Variants in UBAC2 observed in about 807,000 individuals in gnomAD.
The protein encoded by UBAC2 is UBA domain containing 2, also known as ubiquitin-associated domain-containing protein 2.
Under a neutral mutation model 44.0 loss-of-function variants are expected in UBAC2, and 26 were observed. That is an observed-to-expected ratio of 0.59 (90% CI 0.43 to 0.82). The LOEUF is 0.82. Ranked by LOEUF, UBAC2 falls within the 40% of genes least tolerant of loss-of-function variation. UBAC2 has a pLI of 0.00. For synonymous variants in UBAC2, 155 were observed against 154.3 expected, an observed-to-expected ratio of 1.00 and a Z score of -0.04; for missense variants, 329 against 419.4, an observed-to-expected ratio of 0.78 and a Z score of 1.88.
intron 4 of UBAC2, among the ~76,000 whole-genome samples, chr13:99,267,093 T>C (rs2043753938): frequency 6.6e-6 from 1 of 151,248 alleles, no homozygotes; most frequent in Non-Finnish European, 1.5e-5. Flanking sequence ...TGGTGTCTCA[T>C]TGTGGTTTCA....
At chr13:99,207,996 T>C (rs117880027) in intron 1 of UBAC2, among the ~76,000 whole-genome samples, 55,989 of 131,892 alleles carry the variant, frequency 0.42, 11,669 homozygotes, top group East Asian at 0.75. Context: ...ATCGTCTCTT[T>C]TTTTTTTTTT....
chr13:99,355,770 C>T (rs1206759643), intron 7 of UBAC2, among the ~76,000 whole-genome samples: 7 of 152,054 alleles, frequency 4.6e-5, no homozygotes, highest in Non-Finnish European at 8.8e-5. Flanking sequence ...GTGCCACAAG[C>T]CCCCCCGCAG....
intron 4 of UBAC2, among the ~76,000 whole-genome samples, chr13:99,303,792 A>G (rs1388425538): frequency 2.0e-5 from 3 of 152,208 alleles, no homozygotes; most frequent in East Asian, 1.9e-4. Context: ...GGAACATTAA[A>G]TATCATTATT....
chr13:99,258,370 T>G (rs1311908063), intron 4 of UBAC2: 1 of 152,272 alleles, frequency 6.6e-6, no homozygotes, highest in Non-Finnish European at 1.5e-5. Context: ...TGACTTTAAT[T>G]GCTGCTTTGT....
At chr13:99,232,031 A>T (rs1276274135) in intron 1 of UBAC2, among the ~76,000 whole-genome samples, 3 of 152,166 alleles carry the variant, frequency 2.0e-5, no homozygotes, top group Non-Finnish European at 4.4e-5. Context: ...AGGAACTGCC[A>T]GTGTGTGTAT....
At chr13:99,277,313 G>A (rs2043896648) in intron 4 of UBAC2, among the ~76,000 whole-genome samples, 1 of 152,050 alleles carries the variant, frequency 6.6e-6, no homozygotes, top group South Asian at 2.1e-4. Flanking sequence ...ATCACCTGAG[G>A]TCAGGAGTTC....
intron 4 of UBAC2, among the ~76,000 whole-genome samples, chr13:99,278,952 T>A (rs759264321): frequency 2.6e-5 from 4 of 152,190 alleles, no homozygotes; most frequent in Non-Finnish European, 5.9e-5. Context: ...AGAATTATAT[T>A]TCTGAGTATT....
At chr13:99,211,962 C>A (rs1306971320) in intron 1 of UBAC2, among the ~76,000 whole-genome samples, 2 of 152,176 alleles carry the variant, frequency 1.3e-5, no homozygotes, top group Non-Finnish European at 1.5e-5. Flanking sequence ...ACAAGTCTGC[C>A]TCTCCCCACA....
chr13:99,237,896 A>G (rs2043257319), intron 1 of UBAC2, among the ~76,000 whole-genome samples: 1 of 152,252 alleles, frequency 6.6e-6, no homozygotes, highest in Non-Finnish European at 1.5e-5. Flanking sequence ...TGGAGGTTGC[A>G]GTGAGCCGAG....
intron 1 of UBAC2, chr13:99,215,396 C>A (rs549514265): frequency 6.4e-6 from 8 of 1,252,174 alleles, no homozygotes; most frequent in Non-Finnish European, 9.4e-6. Context: ...GTTGTCCTTT[C>A]TTCCCAATCA....
intron 4 of UBAC2, among the ~76,000 whole-genome samples, chr13:99,277,222 C>G (rs925581407): frequency 6.6e-6 from 1 of 152,024 alleles, no homozygotes; most frequent in Admixed American, 6.6e-5. Flanking sequence ...TTCAAACTAC[C>G]ATCTTTAAAA....
At chr13:99,310,664 A>G (rs1044809496) in intron 4 of UBAC2, among the ~76,000 whole-genome samples, 5 of 152,242 alleles carry the variant, frequency 3.3e-5, no homozygotes, top group African/African-American at 1.2e-4. Flanking sequence ...ATTTAAAATT[A>G]TACAGTGATT....
At chr13:99,234,590 G>T (rs1388800412) in intron 1 of UBAC2, among the ~76,000 whole-genome samples, 3 of 152,210 alleles carry the variant, frequency 2.0e-5, no homozygotes, top group African/African-American at 7.2e-5. Context: ...GTCAGATACT[G>T]TGTCCAATGA....
At chr13:99,337,818 G>C (rs976595287) in intron 6 of UBAC2, among the ~76,000 whole-genome samples, 1 of 152,058 alleles carries the variant, frequency 6.6e-6, no homozygotes, top group Non-Finnish European at 1.5e-5. Context: ...CATGGAGCAT[G>C]AGGAGGAACT....
intron 4 of UBAC2, among the ~76,000 whole-genome samples, chr13:99,256,117 G>A (rs933568276): frequency 3.3e-5 from 5 of 152,082 alleles, no homozygotes; most frequent in African/African-American, 1.2e-4. Flanking sequence ...TAGCCCCACT[G>A]TCTATTGAGC....
At chr13:99,236,281 G>A (rs1472334744) in intron 1 of UBAC2, among the ~76,000 whole-genome samples, 1 of 152,226 alleles carries the variant, frequency 6.6e-6, no homozygotes, top group African/African-American at 2.4e-5. Flanking sequence ...CAGAATGGGA[G>A]AAAATACTTG....
At chr13:99,254,679 C>T in intron 4 of UBAC2, 1 of 513,986 alleles carries the variant, frequency 1.9e-6, no homozygotes, top group South Asian at 2.9e-5. Context: ...GTGAACAAGG[C>T]TTGACTAGGA....
intron 4 of UBAC2, among the ~76,000 whole-genome samples, chr13:99,285,542 G>T (rs1376556492): frequency 6.6e-6 from 1 of 152,034 alleles, no homozygotes; most frequent in African/African-American, 2.4e-5. Context: ...ACAGGCATGT[G>T]CCACCACGCC....
chr13:99,343,343 C>A (rs1042426504), intron 7 of UBAC2, among the ~76,000 whole-genome samples: 8 of 150,866 alleles, frequency 5.3e-5, no homozygotes, highest in African/African-American at 1.9e-4. Context: ...GTTCTCCTTT[C>A]CTGCCTTGCT....
Sources: allele counts gnomAD v4.1 joint callset (sites outside exome capture counted in the v4.1 genomes callset), GRCh38; gene constraint gnomAD v4.1.1; transcripts MANE v1.5; gene names NCBI Gene and HGNC (gene_info 2026-07-23, HGNC 2026-07-21).